IQCM: variants seen among roughly 807,000 people sequenced by gnomAD.
IQCM encodes the protein IQ domain-containing protein M.
Under a neutral mutation model 57.6 loss-of-function variants are expected in IQCM, and 45 were observed. That is an observed-to-expected ratio of 0.78 (90% confidence interval 0.62 to 1.00). The LOEUF (loss-of-function observed/expected upper bound fraction) is 1.00, where lower values mean the gene tolerates loss of function less well. Among genes scored for constraint, IQCM ranks in the 50% least tolerant of loss-of-function variants. The pLI is 0.00. For synonymous variants in IQCM, 148 were observed against 158.9 expected (o/e 0.93, Z 0.51); for missense variants, 468 against 511.6 (o/e 0.91, Z 0.82).
At chr4:149,421,471 G>A (rs1034136839) in intron 13 of IQCM, among the ~76,000 whole-genome samples, 13 of 151,990 alleles carry the variant, frequency 8.6e-5, no homozygotes, top group African/African-American at 2.9e-4. Context: ...GGTCAAAATT[G>A]TTAGAGAACA....
At chr4:149,458,597 A>G (rs1737945503) in intron 12 of IQCM, among the ~76,000 whole-genome samples, 1 of 152,004 alleles carries the variant, frequency 6.6e-6, no homozygotes, top group Non-Finnish European at 1.5e-5. Context: ...AGTTTGCAAG[A>G]CAGAAAACCA....
intron 12 of IQCM, among the ~76,000 whole-genome samples, chr4:149,502,639 A>T (rs960773810): frequency 3.9e-5 from 6 of 152,182 alleles, no homozygotes; most frequent in Non-Finnish European, 8.8e-5. Flanking sequence ...ACGCCACTGC[A>T]CTCCAGCCTG....
At chr4:149,773,434 T>C (rs914374572) in intron 2 of IQCM, among the ~76,000 whole-genome samples, 4 of 152,152 alleles carry the variant, frequency 2.6e-5, no homozygotes, top group Non-Finnish European at 5.9e-5. Flanking sequence ...AACCAGTTTG[T>C]AATCTGGTAT....
intron 12 of IQCM, among the ~76,000 whole-genome samples, chr4:149,459,103 G>C (rs1190857209): frequency 1.3e-5 from 2 of 152,164 alleles, no homozygotes; most frequent in African/African-American, 2.4e-5. Context: ...ACACAACAAT[G>C]TTCCAAATAC....
At chr4:149,354,382 A>AAAAAAAAAAAAC (rs764445072) in intron 13 of IQCM, among the ~76,000 whole-genome samples, 1 of 136,486 alleles carries the variant, frequency 7.3e-6, no homozygotes, top group South Asian at 2.5e-4. Flanking sequence ...AAAAAAAAAA[A>AAAAAAAAAAAAC]AAAAAAACTG....
chr4:149,749,536 G>A (rs965412293), intron 2 of IQCM, among the ~76,000 whole-genome samples: 13 of 152,138 alleles, frequency 8.5e-5, no homozygotes, highest in Admixed American at 7.9e-4. Flanking sequence ...AGGAAAGAGT[G>A]CAGGGTCTGA....
chr4:149,360,413 C>T (rs1422606801), intron 13 of IQCM, among the ~76,000 whole-genome samples: 1 of 152,062 alleles, frequency 6.6e-6, no homozygotes, highest in Non-Finnish European at 1.5e-5. Flanking sequence ...GAAACATGAG[C>T]ATCTGTGGGT....
chr4:149,400,797 G>T (rs1237478293), intron 13 of IQCM, among the ~76,000 whole-genome samples: 1 of 151,878 alleles, frequency 6.6e-6, no homozygotes, highest in East Asian at 1.9e-4. Flanking sequence ...GATGGTGAAG[G>T]AAAGAAGCAC....
chr4:149,535,396 T>G (rs1033789000), intron 12 of IQCM, among the ~76,000 whole-genome samples: 1 of 152,038 alleles, frequency 6.6e-6, no homozygotes, highest in Non-Finnish European at 1.5e-5. Context: ...TCAGGGAGTT[T>G]ATATTCCTGG....
chr4:149,643,568 G>A (rs1253551206), intron 7 of IQCM, among the ~76,000 whole-genome samples: 1 of 152,088 alleles, frequency 6.6e-6, no homozygotes, highest in Admixed American at 6.6e-5. Context: ...ATGAGATCAG[G>A]CTCTGAGACT....
intron 12 of IQCM, among the ~76,000 whole-genome samples, chr4:149,478,568 G>A (rs546085892): frequency 2.6e-5 from 4 of 152,274 alleles, no homozygotes; most frequent in Non-Finnish European, 5.9e-5. Context: ...GAGGCCTGGA[G>A]GGAACACAGC....
chr4:149,581,644 C>T (rs943305647), intron 9 of IQCM, among the ~76,000 whole-genome samples: 13 of 151,554 alleles, frequency 8.6e-5, no homozygotes, highest in Admixed American at 7.9e-4. Flanking sequence ...GCTGACATGA[C>T]GGGTTTCATG....
intron 9 of IQCM, among the ~76,000 whole-genome samples, chr4:149,570,193 T>C (rs1182935209): frequency 6.6e-6 from 1 of 152,120 alleles, no homozygotes; most frequent in Non-Finnish European, 1.5e-5. Context: ...ACTGAGTTCA[T>C]TATAGAAGTA....
At chr4:149,660,977 TATA>T (rs1354727731) in intron 7 of IQCM, among the ~76,000 whole-genome samples, 2 of 151,736 alleles carry the variant, frequency 1.3e-5, no homozygotes, top group Middle Eastern at 3.2e-3. Flanking sequence ...AAACTTAAAG[TATA>T]ATAATAATAA....
chr4:149,767,820 C>T (rs950238615), intron 2 of IQCM, among the ~76,000 whole-genome samples: 3 of 151,950 alleles, frequency 2.0e-5, no homozygotes, highest in African/African-American at 7.2e-5. Flanking sequence ...AATCCCTATG[C>T]GTAAATATTT....
At chr4:149,788,111 A>C (rs927984584) in intron 2 of IQCM, among the ~76,000 whole-genome samples, 4 of 152,244 alleles carry the variant, frequency 2.6e-5, no homozygotes, top group Non-Finnish European at 5.9e-5. Flanking sequence ...AGGCGGGCAG[A>C]TCACCTGAGG....
chr4:149,806,898 A>T (rs1774129878), intron 2 of IQCM, among the ~76,000 whole-genome samples: 2 of 151,942 alleles, frequency 1.3e-5, no homozygotes, highest in Admixed American at 1.3e-4. Flanking sequence ...CTTACAAAAA[A>T]ATCAAGAAAA....
chr4:149,481,701 G>GTTTTTTTTTTTTTTGTTTTGT (rs1740834894), intron 12 of IQCM, among the ~76,000 whole-genome samples: 1 of 51,578 alleles, frequency 1.9e-5, no homozygotes, highest in African/African-American at 7.6e-5. Flanking sequence ...TTCCAGTTTT[G>GTTTTTTTTTTTTTTGTTTTGT]TTTTTTTTTT....
intron 12 of IQCM, among the ~76,000 whole-genome samples, chr4:149,449,380 A>T (rs1736854041): frequency 6.9e-6 from 1 of 145,624 alleles, no homozygotes; most frequent in South Asian, 2.1e-4. Context: ...ATTATATATT[A>T]TATATATAAT....
Sources: allele counts gnomAD v4.1 joint callset (sites outside exome capture counted in the v4.1 genomes callset), GRCh38; gene constraint gnomAD v4.1.1; transcripts MANE v1.5; gene names NCBI Gene and HGNC (gene_info 2026-07-23, HGNC 2026-07-21).